PACRG: variants seen among roughly 807,000 people sequenced by gnomAD.
PACRG encodes the protein parkin coregulated, also known as parkin coregulated gene protein.
In PACRG, 29 loss-of-function variants were observed where a neutral mutation model predicts 29.7. That is an observed-to-expected ratio of 0.98 (90% CI 0.73 to 1.33). The LOEUF (loss-of-function observed/expected upper bound fraction) is 1.33, where lower values mean the gene tolerates loss of function less well. Ranked by LOEUF, PACRG falls within the 40% of genes most tolerant of loss-of-function variation. The pLI is 0.00. For synonymous variants in PACRG, 116 were observed against 118.7 expected, an observed-to-expected ratio of 0.98 and a Z score of 0.15; for missense variants, 279 against 316.2, an observed-to-expected ratio of 0.88 and a Z score of 0.89.
chr6:163,245,712 G>T (rs1047980010), intron 4 of PACRG, among the ~76,000 whole-genome samples: 3 of 152,096 alleles, frequency 2.0e-5, no homozygotes, highest in African/African-American at 7.2e-5. Flanking sequence ...TAACTCCTGT[G>T]TCCGACTTCC....
At chr6:162,810,887 A>C (rs921417657) in intron 1 of PACRG, among the ~76,000 whole-genome samples, 17 of 152,240 alleles carry the variant, frequency 1.1e-4, no homozygotes, top group Admixed American at 6.5e-4. Context: ...AGAAATAATG[A>C]CTGAAAACTT....
intron 2 of PACRG, among the ~76,000 whole-genome samples, chr6:163,032,753 T>C (rs1445444650): frequency 6.6e-6 from 1 of 152,216 alleles, no homozygotes; most frequent in Non-Finnish European, 1.5e-5. Context: ...TAGTGCATTA[T>C]TGATGTCAGA....
At chr6:163,166,025 G>C in intron 4 of PACRG, 1 of 445,656 alleles carries the variant, frequency 2.2e-6, no homozygotes, top group South Asian at 1.6e-5. Flanking sequence ...TTGCCCACAA[G>C]CGCCCCGATT....
intron 4 of PACRG, among the ~76,000 whole-genome samples, chr6:163,169,163 G>A (rs891151119): frequency 4.6e-5 from 7 of 152,196 alleles, no homozygotes; most frequent in Non-Finnish European, 1.0e-4. Flanking sequence ...TTGAATGAAA[G>A]GCTAATCCCA....
chr6:163,169,991 C>T (rs1291963307), intron 4 of PACRG, among the ~76,000 whole-genome samples: 1 of 152,128 alleles, frequency 6.6e-6, no homozygotes, highest in African/African-American at 2.4e-5. Flanking sequence ...TGTCTGTGTC[C>T]TTATCTCTTT....
At chr6:162,960,005 A>G (rs1422540191) in intron 2 of PACRG, among the ~76,000 whole-genome samples, 3 of 152,244 alleles carry the variant, frequency 2.0e-5, no homozygotes, top group Admixed American at 1.3e-4. Flanking sequence ...CATATGAAAA[A>G]TGCTCATCAT....
chr6:162,740,756 C>A (rs1051462372), intron 1 of PACRG, among the ~76,000 whole-genome samples: 1 of 151,794 alleles, frequency 6.6e-6, no homozygotes, highest in Non-Finnish European at 1.5e-5. Flanking sequence ...CGCGCCACCA[C>A]GCCCAGCTAA....
chr6:162,868,773 G>T (rs1291418226), intron 2 of PACRG, among the ~76,000 whole-genome samples: 1 of 152,142 alleles, frequency 6.6e-6, no homozygotes, highest in East Asian at 1.9e-4. Flanking sequence ...TGTAGATGGG[G>T]AATTGTTTGG....
intron 2 of PACRG, among the ~76,000 whole-genome samples, chr6:162,823,409 G>A (rs540279797): frequency 1.3e-5 from 2 of 151,838 alleles, no homozygotes; most frequent in South Asian, 4.2e-4. Flanking sequence ...AATATTACAT[G>A]TAGATTATAC....
chr6:163,213,013 C>G (rs190752299), intron 4 of PACRG, among the ~76,000 whole-genome samples: 1 of 152,192 alleles, frequency 6.6e-6, no homozygotes, highest in East Asian at 1.9e-4. Flanking sequence ...CTCCTGACCT[C>G]GTGATCCACC....
At chr6:162,948,696 C>T (rs1444101102) in intron 2 of PACRG, among the ~76,000 whole-genome samples, 1 of 151,934 alleles carries the variant, frequency 6.6e-6, no homozygotes, top group African/African-American at 2.4e-5. Context: ...CAGCAAAAAA[C>T]CCTAATAATC....
At chr6:163,037,334 C>T (rs1808297574) in intron 2 of PACRG, among the ~76,000 whole-genome samples, 1 of 152,220 alleles carries the variant, frequency 6.6e-6, no homozygotes, top group Non-Finnish European at 1.5e-5. Flanking sequence ...GTTGTCCTCT[C>T]TTCTCACTCC....
At chr6:163,241,627 G>C (rs552561224) in intron 4 of PACRG, among the ~76,000 whole-genome samples, 17 of 152,218 alleles carry the variant, frequency 1.1e-4, no homozygotes, top group Non-Finnish European at 1.9e-4. Context: ...GCTAGGGCTA[G>C]GGACAGAGCT....
chr6:162,741,970 A>G (rs973519132), intron 1 of PACRG, among the ~76,000 whole-genome samples: 1 of 152,174 alleles, frequency 6.6e-6, no homozygotes, highest in Non-Finnish European at 1.5e-5. Flanking sequence ...GTGATTAACT[A>G]TAGTCACCAT....
intron 4 of PACRG, among the ~76,000 whole-genome samples, chr6:163,235,912 T>TA (rs199812989): frequency 8.2e-6 from 1 of 121,398 alleles, no homozygotes; most frequent in East Asian, 2.8e-4. Context: ...AACTAAACAC[T>TA]AAAAAAGAAA....
At chr6:163,296,456 G>A (rs1244351156) in intron 4 of PACRG, among the ~76,000 whole-genome samples, 3 of 152,046 alleles carry the variant, frequency 2.0e-5, no homozygotes, top group Non-Finnish European at 4.4e-5. Flanking sequence ...CACCACGCCC[G>A]GCTAATTTTT....
chr6:163,243,091 G>A (rs756705236), intron 4 of PACRG, among the ~76,000 whole-genome samples: 5 of 152,202 alleles, frequency 3.3e-5, no homozygotes, highest in African/African-American at 7.2e-5. Context: ...ACCATGACCC[G>A]CATTGGACTT....
chr6:163,244,387 T>C (rs1782616811), intron 4 of PACRG, among the ~76,000 whole-genome samples: 1 of 152,194 alleles, frequency 6.6e-6, no homozygotes, highest in Admixed American at 6.5e-5. Context: ...AGACCTAACG[T>C]GTGCTAAACT....
chr6:163,163,864 A>C (rs1778675776), intron 4 of PACRG, among the ~76,000 whole-genome samples: 1 of 152,124 alleles, frequency 6.6e-6, no homozygotes, highest in Non-Finnish European at 1.5e-5. Context: ...TACATTTTCA[A>C]AGGGAAAAAG....
Sources: allele counts gnomAD v4.1 joint callset (sites outside exome capture counted in the v4.1 genomes callset), GRCh38; gene constraint gnomAD v4.1.1; transcripts MANE v1.5; gene names NCBI Gene and HGNC (gene_info 2026-07-23, HGNC 2026-07-21).